STXBP5L: variants seen among roughly 807,000 people sequenced by gnomAD.
STXBP5L encodes syntaxin binding protein 5L.
A neutral mutation model predicts 144.5 loss-of-function variants in STXBP5L; 65 were observed. The observed-to-expected ratio is 0.45, with a 90% CI of 0.37 to 0.55. The LOEUF is 0.55. Ranked by LOEUF, STXBP5L falls within the 20% of genes least tolerant of loss-of-function variation. The pLI, the probability that STXBP5L is intolerant of heterozygous loss-of-function variation, is 0.00. For missense variants in STXBP5L, 1,298 were observed against 1,405.5 expected (o/e 0.92, Z 1.22); for synonymous variants, 505 against 469.6 (o/e 1.08, Z -0.97).
chr3:120,938,046 TA>T (rs1223222489), intron 2 of STXBP5L, among the ~76,000 whole-genome samples: 2 of 152,068 alleles, frequency 1.3e-5, no homozygotes, highest in African/African-American at 4.8e-5. Context: ...ATCTTCCATG[TA>T]AAAAAGTTAG....
intron 20 of STXBP5L, among the ~76,000 whole-genome samples, chr3:121,367,048 T>C (rs2045883051): frequency 6.6e-6 from 1 of 152,200 alleles, no homozygotes. Flanking sequence ...TTCTCACTTC[T>C]TTCAGTTGTT....
chr3:121,066,364 A>G (rs1482152491), intron 5 of STXBP5L, among the ~76,000 whole-genome samples: 12 of 83,144 alleles, frequency 1.4e-4, no homozygotes, highest in East Asian at 1.4e-3. Context: ...CTATAAGCGT[A>G]TATATATATA....
chr3:121,091,860 T>A (rs1336736538), intron 5 of STXBP5L, among the ~76,000 whole-genome samples: 1 of 152,324 alleles, frequency 6.6e-6, no homozygotes, highest in Non-Finnish European at 1.5e-5. Context: ...CATGCCTATG[T>A]CCTGAATGGT....
intron 5 of STXBP5L, among the ~76,000 whole-genome samples, chr3:121,078,460 C>T (rs1036935899): frequency 6.6e-6 from 1 of 152,278 alleles, no homozygotes; most frequent in African/African-American, 2.4e-5. Flanking sequence ...AGGAGCCCCG[C>T]TGTCGTCACC....
chr3:121,029,863 C>G (rs1056166370), intron 3 of STXBP5L, among the ~76,000 whole-genome samples: 3 of 151,166 alleles, frequency 2.0e-5, no homozygotes, highest in African/African-American at 7.3e-5. Flanking sequence ...AAAAAGTGGG[C>G]AAAGGATATG....
chr3:121,124,507 T>C (rs1164105252), intron 7 of STXBP5L, among the ~76,000 whole-genome samples: 1 of 152,030 alleles, frequency 6.6e-6, no homozygotes, highest in Non-Finnish European at 1.5e-5. Flanking sequence ...TATCTTGTGC[T>C]AGCTCAATTC....
intron 3 of STXBP5L, among the ~76,000 whole-genome samples, chr3:120,998,947 G>T (rs1365817695): frequency 6.6e-6 from 1 of 152,130 alleles, no homozygotes; most frequent in Non-Finnish European, 1.5e-5. Flanking sequence ...TGAATTTCTT[G>T]ATTTCTGCTT....
intron 22 of STXBP5L, among the ~76,000 whole-genome samples, chr3:121,390,624 T>A (rs2046557681): frequency 6.6e-6 from 1 of 152,228 alleles, no homozygotes; most frequent in African/African-American, 2.4e-5. Context: ...CTGTAAAGGA[T>A]TTTATTTCTC....
At chr3:120,991,481 G>A (rs529729327) in intron 3 of STXBP5L, among the ~76,000 whole-genome samples, 1 of 152,138 alleles carries the variant, frequency 6.6e-6, no homozygotes, top group Non-Finnish European at 1.5e-5. Flanking sequence ...CCATTACTGG[G>A]TATATACCCA....
intron 12 of STXBP5L, among the ~76,000 whole-genome samples, chr3:121,235,165 T>C (rs1437617601): frequency 1.3e-5 from 2 of 152,098 alleles, no homozygotes; most frequent in African/African-American, 4.8e-5. Flanking sequence ...CTTTAGCATG[T>C]ATTAAAATCT....
chr3:121,343,020 C>T (rs1313224504), intron 20 of STXBP5L, among the ~76,000 whole-genome samples: 20 of 151,752 alleles, frequency 1.3e-4, no homozygotes, highest in Non-Finnish European at 1.9e-4. Context: ...TGTTTCCTGA[C>T]TTTTTAATGA....
intron 5 of STXBP5L, among the ~76,000 whole-genome samples, chr3:121,109,133 G>A (rs192159701): frequency 8.6e-5 from 13 of 151,624 alleles, no homozygotes; most frequent in East Asian, 1.9e-4. Context: ...TGATTCTTCC[G>A]TCTTTATTAG....
At chr3:121,111,410 A>G (rs2043980831) in intron 5 of STXBP5L, among the ~76,000 whole-genome samples, 1 of 151,912 alleles carries the variant, frequency 6.6e-6, no homozygotes, top group African/African-American at 2.4e-5. Context: ...TGACCTTTGG[A>G]TGGGGTTTTT....
Position 121,279,907 on chromosome 3 carries a change from A to G in STXBP5L, c.2061A>G (p.Leu687=), listed in dbSNP as rs776987517. ...GTIDLYRSSD[L]YQRQPRSPRK... ...TTGACCTATATAGATCAAGTGACTTATACCAGCGACAACCACGGTCTCCTC... is the reference window on the plus strand; with the variant it reads ...TTGACCTATATAGATCAAGTGACTTGTACCAGCGACAACCACGGTCTCCTC... Residue 687 remains leucine (L), a synonymous_variant, in exon 19 of 27, where the codon TTA becomes TTG. Transcript: ENST00000471454. The G allele has an allele frequency of 3.7e-6, 6 of 1,612,502 alleles. No individual in the cohort carries two copies. The highest frequency in any genetic ancestry group is 5.1e-6 in the Non-Finnish European group (6 of 1,178,940).
chr3:121,419,137 A>G lies in STXBP5L; in HGVS notation c.*40A>G. The G allele has an allele frequency of 6.3e-7, 1 of 1,587,054 alleles. No homozygotes were observed. Among genetic ancestry groups the G allele is most frequent in the Non-Finnish European group, 8.6e-7 (1 of 1,164,484 alleles). On this transcript the variant is annotated 3_prime_UTR_variant, in exon 27 of 27. Coordinates refer to ENST00000471454, the MANE Select transcript of STXBP5L (RefSeq NM_001308330.2). Reference sequence around the variant, plus strand: ...GTGACTGCTTTGAGAAACCATATTCAGGGAAACCAAATTTATTCCCAGCAT... The same window carrying G: ...GTGACTGCTTTGAGAAACCATATTCGGGGAAACCAAATTTATTCCCAGCAT...
intron 7 of STXBP5L, among the ~76,000 whole-genome samples, chr3:121,129,621 G>A (rs900520908): frequency 6.6e-6 from 1 of 151,982 alleles, no homozygotes; most frequent in South Asian, 2.1e-4. Context: ...CATCAACAGA[G>A]GGGAATGAAA....
At chr3:121,010,610 A>G (rs1448027990) in intron 3 of STXBP5L, among the ~76,000 whole-genome samples, 1 of 151,784 alleles carries the variant, frequency 6.6e-6, no homozygotes, top group Non-Finnish European at 1.5e-5. Context: ...AAGCCTGTGT[A>G]CAACTTTTGA....
chr3:121,034,729 G>A (rs1405813939), intron 3 of STXBP5L, among the ~76,000 whole-genome samples: 1 of 152,040 alleles, frequency 6.6e-6, no homozygotes, highest in Non-Finnish European at 1.5e-5. Flanking sequence ...TCTCCTTTGG[G>A]TAGATACCTA....
At position 121,205,964 on chromosome 3, in the gene STXBP5L, C is replaced by A; in HGVS notation, c.919C>A (p.Pro307Thr). 1 of 1,515,080 alleles carries A rather than the reference C, an allele frequency of 6.6e-7. No individual in the cohort carries two copies. The highest frequency in any genetic ancestry group is 8.8e-7 in the Non-Finnish European group (1 of 1,136,640). 93.9% of individuals were successfully genotyped at this position (1,515,080 alleles called of 1,614,324 possible). Residue 307 changes from proline to threonine, a missense_variant, in exon 10 of 27, where the codon CCA becomes ACA. Coordinates refer to ENST00000471454, the MANE Select transcript of STXBP5L (RefSeq NM_001308330.2). ...AGGAAGAAAATCTGAATCTTGTAAA[C>A]CAATTCTTAAAGTAGAATACAAGAC... ...REGRKSESCK[P>T]ILKVEYKTCK...
Sources: gnomAD v4.1 joint callset for allele counts (sites outside exome capture counted in the v4.1 genomes callset) on GRCh38, gnomAD v4.1.1 for gene constraint, MANE v1.5 for transcripts, NCBI Gene and HGNC (gene_info 2026-07-23, HGNC 2026-07-21) for gene names.